HMCN1: variants seen among roughly 807,000 people sequenced by gnomAD.
The protein encoded by HMCN1 is hemicentin 1.
HMCN1 carries 321 observed loss-of-function variants against 625.9 expected under a neutral mutation model. The observed-to-expected ratio is 0.51, with a 90% CI of 0.47 to 0.56. HMCN1 has a LOEUF of 0.56. Ranked by LOEUF, HMCN1 falls within the 20% of genes least tolerant of loss-of-function variation. The probability of loss-of-function intolerance (pLI) is 0.00; values close to 1 mark genes in which losing one functional copy is unlikely to be tolerated. For synonymous variants in HMCN1, 2,425 were observed against 2,417.6 expected (o/e 1.00, Z -0.09); for missense variants, 6,588 against 6,887.3 (o/e 0.96, Z 1.54).
chr1:185,832,534 T>G (rs1312426307), intron 1 of HMCN1, among the ~76,000 whole-genome samples: 1 of 152,044 alleles, frequency 6.6e-6, no homozygotes, highest in Non-Finnish European at 1.5e-5. Context: ...AAAAATGGGT[T>G]TTTCCATAAA....
chr1:186,101,194 T>C (rs949196834), intron 68 of HMCN1, among the ~76,000 whole-genome samples: 2 of 152,004 alleles, frequency 1.3e-5, no homozygotes, highest in African/African-American at 4.8e-5. Context: ...AATGGTATTG[T>C]AGCTCAAATT....
rs911373038 is a variant in HMCN1 at position 186,037,826 on chromosome 1, T to C, written c.5750-108T>C. 6.9e-6 allele frequency: 5 copies of C among 728,096 alleles called. No homozygotes were observed. In the African/African-American group the frequency reaches 7.0e-5, roughly 10 times the overall value. The allele number at this position is 728,096 out of a possible 1,614,324, so 45.1% of individuals were successfully genotyped here. ...TATTCCAAATAGGTCAGTGTATATA[T>C]GTGAAAAAAAGAAGAGAGGAAGAAA... On this transcript the variant is annotated intron_variant, in intron 36 of 106. Coordinates refer to ENST00000271588, the MANE Select transcript of HMCN1 (RefSeq NM_031935.3).
At chr1:186,144,800 C>T (rs1363634189) in intron 91 of HMCN1, 97 bp downstream of exon 91, 1 of 1,403,774 alleles carries the variant, frequency 7.1e-7, no homozygotes. Flanking sequence ...TTTGGTTCTT[C>T]AACCTTTGGT....
chr1:186,052,610 G>C (rs1270819260), intron 42 of HMCN1, among the ~76,000 whole-genome samples: 1 of 151,936 alleles, frequency 6.6e-6, no homozygotes, highest in East Asian at 1.9e-4. Flanking sequence ...AAACTTGGTA[G>C]GTACTTTAGC....
intron 18 of HMCN1, among the ~76,000 whole-genome samples, chr1:185,983,630 T>C (rs1180356106): frequency 1.3e-5 from 2 of 152,166 alleles, no homozygotes; most frequent in Non-Finnish European, 2.9e-5. Flanking sequence ...TGATCATTCT[T>C]AACTGAAAAT....
chr1:185,940,323 T>C (rs751849455), intron 11 of HMCN1, among the ~76,000 whole-genome samples: 2 of 152,198 alleles, frequency 1.3e-5, no homozygotes, highest in Non-Finnish European at 2.9e-5. Flanking sequence ...AGCTTTCATG[T>C]ATTAGTACTT....
chr1:185,889,519 AG>A (rs1411016324), intron 4 of HMCN1, among the ~76,000 whole-genome samples: 3 of 140,212 alleles, frequency 2.1e-5, no homozygotes, highest in Non-Finnish European at 4.5e-5. Context: ...TTTAGCATGA[AG>A]GGTTGTTGAA....
At chr1:185,990,529 G>A (rs149539604) in intron 22 of HMCN1, 86 bp downstream of exon 22, 8 of 1,180,634 alleles carry the variant, frequency 6.8e-6, no homozygotes, top group South Asian at 2.5e-5. Context: ...GTTATCAAAC[G>A]TCTCAAAAAA....
intron 103 of HMCN1, among the ~76,000 whole-genome samples, chr1:186,175,044 G>T (rs140648805): frequency 6.6e-6 from 1 of 152,126 alleles, no homozygotes; most frequent in Non-Finnish European, 1.5e-5. Flanking sequence ...TAGGTGTGAG[G>T]TATTAAAATA....
At chr1:185,923,057 G>C (rs1270936001) in intron 7 of HMCN1, among the ~76,000 whole-genome samples, 2 of 151,888 alleles carry the variant, frequency 1.3e-5, no homozygotes, top group Non-Finnish European at 2.9e-5. Flanking sequence ...GTTAAAATTT[G>C]TTCATTTATT....
In HMCN1 at chr1:185,928,389, G is replaced by A. The variant is rs529216279; in HGVS notation, c.1431-157G>A. 7.9e-5 allele frequency among the ~76,000 whole-genome samples: 12 copies of A among 152,140 alleles called. 1 individual carries two copies. The highest frequency in any genetic ancestry group is 5.9e-4 in the Admixed American group (9 of 15,280). Reference sequence around the variant, plus strand: ...CTCATTTTCTAGTAAAATATAAATGGTGTGTCATTTTAAGTTAAAAAGAAC... The same window carrying A: ...CTCATTTTCTAGTAAAATATAAATGATGTGTCATTTTAAGTTAAAAAGAAC... On this transcript the variant is annotated intron_variant, in intron 9 of 106. Transcript: ENST00000271588.
chr1:186,147,378 C>A lies in HMCN1; in HGVS notation c.14608+1455C>A, dbSNP rs533146346. ...AATTCAGACATAAGCTCTATGAAGG[C>A]AGGCTTCATGTCTTTTTTTTTTTTT... On this transcript the variant is annotated intron_variant, in intron 93 of 106. Transcript: ENST00000271588. Among the ~76,000 whole-genome samples the A allele has an allele frequency of 1.6e-4, 23 of 148,048 alleles. 1 individual carries two copies. The South Asian group carries it at 4.9e-3, about 32-fold the overall frequency.
intron 97 of HMCN1, among the ~76,000 whole-genome samples, chr1:186,163,521 A>G (rs747919759): frequency 2.6e-5 from 4 of 152,174 alleles, no homozygotes; most frequent in African/African-American, 4.8e-5. Context: ...GGAGCTGTAG[A>G]CTGGAGCTGT....
intron 55 of HMCN1, 25 bp from the exon 56 acceptor site, chr1:186,081,182 T>G (rs751560224): frequency 6.3e-7 from 1 of 1,596,590 alleles, no homozygotes; most frequent in Non-Finnish European, 8.6e-7. Context: ...CCCATTTTTC[T>G]CCCTTTGTTG....
intron 36 of HMCN1, among the ~76,000 whole-genome samples, chr1:186,032,976 C>T (rs1196537158): frequency 6.6e-6 from 1 of 151,876 alleles, no homozygotes; most frequent in Non-Finnish European, 1.5e-5. Context: ...ATGTTTACAA[C>T]AGCACAATTT....
chr1:185,820,320 G>T (rs1353647283), intron 1 of HMCN1, among the ~76,000 whole-genome samples: 1 of 151,984 alleles, frequency 6.6e-6, no homozygotes, highest in African/African-American at 2.4e-5. Flanking sequence ...TTATACAAGG[G>T]CATTAAAGCT....
intron 68 of HMCN1, among the ~76,000 whole-genome samples, chr1:186,097,168 TA>T (rs1175629983): frequency 6.6e-6 from 1 of 152,122 alleles, no homozygotes; most frequent in African/African-American, 2.4e-5. Context: ...TCAGAAATGA[TA>T]AACAAATTCA....
intron 1 of HMCN1, among the ~76,000 whole-genome samples, chr1:185,803,204 GCAA>G (rs1248099341): frequency 4.2e-5 from 1 of 23,712 alleles, no homozygotes; most frequent in African/African-American, 2.0e-4. Context: ...AAAAAAAAAA[GCAA>G]AAAAAAAAAA....
At chr1:185,790,752 A>G (rs1024283758) in intron 1 of HMCN1, among the ~76,000 whole-genome samples, 1 of 152,224 alleles carries the variant, frequency 6.6e-6, no homozygotes, top group Non-Finnish European at 1.5e-5. Flanking sequence ...CAAAAATGCC[A>G]CACACATTCT....
Sources: gnomAD v4.1 joint callset for allele counts (sites outside exome capture counted in the v4.1 genomes callset) on GRCh38, gnomAD v4.1.1 for gene constraint, MANE v1.5 for transcripts, NCBI Gene and HGNC (gene_info 2026-07-23, HGNC 2026-07-21) for gene names.